Variants in NEIL2 observed in about 807,000 individuals in gnomAD.
NEIL2 encodes the protein endonuclease 8-like 2.
NEIL2 carries 23 observed loss-of-function variants against 22.2 expected under a neutral mutation model. The observed-to-expected ratio is 1.04, with a 90% CI of 0.75 to 1.47. The LOEUF is 1.47. Among genes scored for constraint, NEIL2 ranks in the 40% most tolerant of loss-of-function variants. The pLI is 0.00. For synonymous variants in NEIL2, 229 were observed against 164.8 expected (o/e 1.39, Z -2.99); for missense variants, 583 against 404.7 (o/e 1.44, Z -3.78).
chr8:11,784,166 G>A (rs897487283), intron 4 of NEIL2, among the ~76,000 whole-genome samples: 26 of 152,170 alleles, frequency 1.7e-4, no homozygotes, highest in South Asian at 2.1e-4. Flanking sequence ...CACCCTTCAC[G>A]AGGGTCGGAG....
At position 11,786,018 on chromosome 8, in the gene NEIL2, C is replaced by A; in HGVS notation, c.744C>A (p.Leu248=). 1 of 1,614,132 alleles carries A rather than the reference C, an allele frequency of 6.2e-7. No individual in the cohort carries two copies. The highest frequency in any genetic ancestry group is 8.5e-7 in the Non-Finnish European group (1 of 1,180,004). The change falls in exon 5 of 5, where the codon CTC becomes CTA. Residue 248 remains leucine, a synonymous_variant. Transcript: ENST00000284503. ...GAGCTGGGATCCATCCCCTTTCTCT[C>A]GGTTCAGTCCTGAGTGCCTCGCGTC... ...LYRAGIHPLS[L]GSVLSASRRE...
At chr8:11,771,145 A>G (rs2130422654) in intron 1 of NEIL2, among the ~76,000 whole-genome samples, 1 of 152,272 alleles carries the variant, frequency 6.6e-6, no homozygotes, top group East Asian at 1.9e-4. Context: ...GGTGCCGCTC[A>G]GGAATAAAGT....
In NEIL2 at chr8:11,783,378, C is replaced by A; in HGVS notation, c.667C>A (p.Gln223Lys). 1.2e-6 allele frequency: 2 copies of A among 1,614,136 alleles called. No individual in the cohort carries two copies. Among genetic ancestry groups the A allele is most frequent in the Non-Finnish European group, 1.7e-6 (2 of 1,179,982 alleles). The change falls in exon 4 of 5, where the codon CAG becomes AAG. Residue 223 changes from glutamine (Q) to lysine (K), a missense_variant. Coordinates refer to ENST00000284503, the MANE Select transcript of NEIL2 (RefSeq NM_145043.4). ...AQPVCYTLLD[Q>K]RYFSGLGNII... ...GCCTGTCTGCTATACACTGCTGGAC[C>A]AGAGATACTTCTCAGGGCTAGGTAT...
intron 3 of NEIL2, among the ~76,000 whole-genome samples, chr8:11,780,523 G>T (rs546979036): frequency 6.0e-4 from 92 of 152,240 alleles, no homozygotes; most frequent in African/African-American, 2.0e-3. Context: ...GGGACTACAG[G>T]TGCGTGCCAC....
In NEIL2 at chr8:11,771,467, T is replaced by G; in HGVS notation, c.20T>G (p.Val7Gly). The change falls in exon 2 of 5, where the codon GTG becomes GGG. Residue 7 changes from valine (V) to glycine (G), a missense_variant. By Grantham distance (109) the Val-to-Gly change is moderately radical. Transcript: ENST00000284503. ...ACAGGGATGCCAGAAGGGCCGTTGG[T>G]GAGGAAATTTCACCATTTGGTCTCC... MPEGPL[V>G]RKFHHLVSPF... The G allele has an allele frequency of 6.2e-7, 1 of 1,613,940 alleles. No homozygotes were observed. The highest frequency in any genetic ancestry group is 1.1e-5 in the South Asian group (1 of 91,066).
At chr8:11,770,962 C>T (rs2740435) in intron 1 of NEIL2, among the ~76,000 whole-genome samples, 60,595 of 152,000 alleles carry the variant, frequency 0.4, 14,198 homozygotes, top group East Asian at 0.79. Context: ...CGCTAGTGGT[C>T]GGCGGTCCTG....
chr8:11,785,205 AT>A (rs55885060), intron 4 of NEIL2, among the ~76,000 whole-genome samples: 10 of 148,204 alleles, frequency 6.7e-5, no homozygotes, highest in East Asian at 4.1e-4. Context: ...TTAAAAAAAA[AT>A]TTTTTTTGAG....
rs572007284 is a variant in NEIL2, at chr8:11,783,300, C to G, written c.589C>G (p.Leu197Val). 1 of 1,614,180 alleles carries G rather than the reference C, an allele frequency of 6.2e-7. No individual in the cohort carries two copies. The highest frequency in any genetic ancestry group is 8.5e-7 in the Non-Finnish European group (1 of 1,179,994). The change falls in exon 4 of 5, where the codon CTG becomes GTG. Residue 197 changes from leucine (L) to valine (V), a missense_variant. Physicochemically the swap from Leu to Val is conservative, Grantham distance 32 (BLOSUM62 1). Coordinates refer to ENST00000284503, the MANE Select transcript of NEIL2 (RefSeq NM_145043.4). ...SPVVTPTCDI[L>V]SEKFHRGQAL... The stretch of plus-strand genomic sequence containing the variant: ...AGTGGTCACACCCACCTGTGACATC[C>G]TGTCTGAGAAGTTCCATCGAGGACA...
chr8:11,786,359 G>T lies in NEIL2; in HGVS notation c.*86G>T, dbSNP rs1804954880. On this transcript the variant is annotated 3_prime_UTR_variant, in exon 5 of 5. Coordinates refer to ENST00000284503, the MANE Select transcript of NEIL2 (RefSeq NM_145043.4). ...AGAAAGGAGGATGTGGGCAGGGACGGGGTACAGAGGATAGTGTGGGTCAGA... is the reference window on the plus strand; with the variant it reads ...AGAAAGGAGGATGTGGGCAGGGACGTGGTACAGAGGATAGTGTGGGTCAGA... 1.5e-6 allele frequency: 2 copies of T among 1,332,548 alleles called. No homozygotes were observed. The highest frequency in any genetic ancestry group is 2.9e-5 in the African/African-American group (2 of 68,902). 82.5% of individuals were successfully genotyped at this position (1,332,548 alleles called of 1,614,324 possible).
intron 2 of NEIL2, among the ~76,000 whole-genome samples, chr8:11,777,545 C>A (rs1348937972): frequency 1.3e-5 from 2 of 152,174 alleles, no homozygotes; most frequent in African/African-American, 4.8e-5. Flanking sequence ...TTTCCTCCCT[C>A]CCTGCAGCCC....
intron 2 of NEIL2, among the ~76,000 whole-genome samples, chr8:11,778,944 A>AAAAAAG (rs1804149215): frequency 6.6e-5 from 1 of 15,092 alleles, no homozygotes; most frequent in African/African-American, 3.5e-4. Context: ...ACTCCATCTG[A>AAAAAAG]AAAAAAAAAA....
chr8:11,782,766 ACGT>A (rs1431989593), intron 3 of NEIL2: 51 of 272,824 alleles, frequency 1.9e-4, no homozygotes, highest in South Asian at 6.8e-4. Flanking sequence ...TGCTCTGACT[ACGT>A]TGTGGTAACG....
chr8:11,774,145 G>A (rs1803709034), intron 2 of NEIL2, among the ~76,000 whole-genome samples: 1 of 152,196 alleles, frequency 6.6e-6, no homozygotes, highest in Admixed American at 6.5e-5. Flanking sequence ...GGAGGCAGAG[G>A]TGGGCAGGTC....
chr8:11,771,045 G>C (rs1037549489), intron 1 of NEIL2, among the ~76,000 whole-genome samples: 2 of 152,164 alleles, frequency 1.3e-5, no homozygotes, highest in African/African-American at 4.8e-5. Context: ...TGTTTTTTGA[G>C]AGCGGGAGCA....
chr8:11,786,165 C>G lies in NEIL2; in HGVS notation c.891C>G (p.Val297=). 1 of 1,613,962 alleles carries G rather than the reference C, an allele frequency of 6.2e-7. No homozygotes were observed. Among genetic ancestry groups the G allele is most frequent in the Non-Finnish European group, 8.5e-7 (1 of 1,179,998 alleles). ...AACAGTGCCCTGCTGGCCACCAGGT[C>G]ATGAAGGAGGCGTTTGGGCCCGAAG... ...QKEQCPAGHQ[V]MKEAFGPEDG... The change falls in exon 5 of 5, where the codon GTC becomes GTG. Residue 297 remains valine, a synonymous_variant. Coordinates refer to ENST00000284503, the MANE Select transcript of NEIL2 (RefSeq NM_145043.4).
intron 4 of NEIL2, among the ~76,000 whole-genome samples, chr8:11,784,265 G>T (rs1245517229): frequency 6.6e-6 from 1 of 152,206 alleles, no homozygotes; most frequent in Non-Finnish European, 1.5e-5. Context: ...AGAGCCGTCG[G>T]AAGTGGCTTT....
chr8:11,781,500 C>A (rs1241446697), intron 3 of NEIL2, among the ~76,000 whole-genome samples: 1 of 152,226 alleles, frequency 6.6e-6, no homozygotes, highest in Non-Finnish European at 1.5e-5. Flanking sequence ...GCAAACCTGT[C>A]ATCATCAGGA....
Position 11,785,731 on chromosome 8 carries a change from C to G in NEIL2, c.689-232C>G, listed in dbSNP as rs537535468. 3.3e-5 allele frequency among the ~76,000 whole-genome samples: 5 copies of G among 152,266 alleles called. No individual in the cohort carries two copies. The South Asian group carries it at 6.2e-4, about 19-fold the overall frequency. On this transcript the variant is annotated intron_variant, in intron 4 of 4. Transcript: ENST00000284503. The stretch of plus-strand genomic sequence containing the variant: ...CAGATGCCCGATCCGTTTTTGATAG[C>G]CTGTTTGCCATGACGGGCCATGCAT...
At chr8:11,780,033 G>A in intron 3 of NEIL2, 83 bp downstream of exon 3, 1 of 1,229,886 alleles carries the variant, frequency 8.1e-7, no homozygotes, top group Non-Finnish European at 1.2e-6. Flanking sequence ...CAGCAGTGGG[G>A]ACATACTGAG....
Sources: allele counts gnomAD v4.1 joint callset (sites outside exome capture counted in the v4.1 genomes callset), GRCh38; gene constraint gnomAD v4.1.1; transcripts MANE v1.5; gene names NCBI Gene and HGNC (gene_info 2026-07-23, HGNC 2026-07-21).